The following HK1 variants were observed in gnomAD, a reference collection of about 807,000 sequenced individuals.
HK1 encodes hexokinase-1.
In HK1, 28 loss-of-function variants were observed where a neutral mutation model predicts 91.6. That is an observed-to-expected ratio of 0.31 (90% CI 0.23 to 0.42). The LOEUF (loss-of-function observed/expected upper bound fraction) is 0.42. Among genes scored for constraint, HK1 ranks in the 10% least tolerant of loss-of-function variants. HK1 has a pLI of 1.00. For synonymous variants in HK1, 430 were observed against 468.1 expected, an observed-to-expected ratio of 0.92 and a Z score of 1.05; for missense variants, 770 against 1,219.8, an observed-to-expected ratio of 0.63 and a Z score of 5.49.
intron 14 of HK1, among the ~76,000 whole-genome samples, chr10:69,390,571 C>G (rs975741734): frequency 1.1e-4 from 17 of 152,296 alleles, no homozygotes; most frequent in Admixed American, 1.0e-3. Context: ...AAACAAAGAA[C>G]AAAAATCATC....
At chr10:69,274,934 C>T (rs1214232543) in intron 1 of HK1, among the ~76,000 whole-genome samples, 2 of 152,084 alleles carry the variant, frequency 1.3e-5, no homozygotes, top group African/African-American at 2.4e-5. Context: ...CGAGACTCAA[C>T]AAATGCCCTC....
rs1230724844 is a variant in HK1, at chr10:69,276,112, AAAAAAAATACAT to A, written c.-391+6006_-391+6017del. Reference sequence around the variant, plus strand: ...TTTCAAAAAAAAAAAAAAAAAAAAAAAAAAAAATACATATATATATATATATACACATATATA... The same window carrying A: ...TTTCAAAAAAAAAAAAAAAAAAAAAAATATATATATATATACACATATATA... On this transcript the variant is annotated intron_variant, in intron 1 of 21. Transcript: ENST00000360289. Among the ~76,000 whole-genome samples, 64 of 42,634 alleles carry A rather than the reference AAAAAAAATACAT, an allele frequency of 1.5e-3. 4 individuals carry two copies. The highest frequency in any genetic ancestry group is 5.2e-3 in the African/African-American group (63 of 12,006). The allele number at this position is 42,634 out of a possible 152,430, so 28.0% of individuals were successfully genotyped here. A position where few individuals can be genotyped will look rare whatever the true frequency, so the allele number is the denominator to read the frequency against.
At chr10:69,326,810 G>A (rs572692976) in intron 1 of HK1, among the ~76,000 whole-genome samples, 45 of 152,164 alleles carry the variant, frequency 3.0e-4, no homozygotes, top group Non-Finnish European at 4.4e-4. Flanking sequence ...TTCTCCCTTC[G>A]GAGGTGACCT....
intron 3 of HK1, among the ~76,000 whole-genome samples, chr10:69,360,629 C>T (rs1320593068): frequency 6.6e-6 from 1 of 152,174 alleles, no homozygotes; most frequent in Admixed American, 6.5e-5. Flanking sequence ...GTTGGGGCTC[C>T]CCACGCTGGG....
chr10:69,322,858 C>A (rs186483705), intron 1 of HK1, among the ~76,000 whole-genome samples: 1 of 150,916 alleles, frequency 6.6e-6, no homozygotes, highest in South Asian at 2.1e-4. Flanking sequence ...CCATTGCACT[C>A]CAGCCTAGGC....
At chr10:69,341,153 C>T (rs976541672) in intron 1 of HK1, among the ~76,000 whole-genome samples, 12 of 151,952 alleles carry the variant, frequency 7.9e-5, no homozygotes, top group African/African-American at 2.9e-4. Context: ...AATATATATA[C>T]ATATTTCTTT....
intron 17 of HK1, 145 bp downstream of exon 17, chr10:69,398,973 C>A: frequency 1.5e-6 from 1 of 645,740 alleles, no homozygotes; most frequent in Non-Finnish European, 2.8e-6. Context: ...TGGGGATTGT[C>A]TAGGACAAGG....
intron 5 of HK1, among the ~76,000 whole-genome samples, chr10:69,307,140 G>A (rs924298034): frequency 3.9e-5 from 6 of 152,132 alleles, no homozygotes; most frequent in African/African-American, 1.2e-4. Flanking sequence ...CACGAACTTG[G>A]GAGGGAGATG....
upstream of HK1, chr10:69,318,802 G>C (rs2132562628): frequency 1.4e-6 from 2 of 1,391,748 alleles, no homozygotes; most frequent in Non-Finnish European, 1.9e-6. Context: ...CGCGCGAGCT[G>C]TCGCCGCGCC....
rs868716808 is a variant in HK1, at chr10:69,401,705, C to T, written c.*570C>T. ...GTGTGTCCGTGGAACCAGTCCTAGC[C>T]GCGTGTGACAGTCTTGCATTCTGTT... On this transcript the variant is annotated 3_prime_UTR_variant, in exon 18 of 18. Transcript: ENST00000359426. 7.0e-5 allele frequency: 17 copies of T among 243,980 alleles called. No individual in the cohort carries two copies. In the Middle Eastern group the frequency reaches 3.5e-3, roughly 50 times the overall value. The allele number at this position is 243,980 out of a possible 1,614,324, so 15.1% of individuals were successfully genotyped here.
chr10:69,338,165 AAGG>A, intron 1 of HK1: 1 of 893,838 alleles, frequency 1.1e-6, no homozygotes, highest in African/African-American at 1.7e-5. Context: ...GGTCCACAAG[AAGG>A]AGAATCCAGG....
chr10:69,308,764 T>A (rs1396859901), intron 5 of HK1, among the ~76,000 whole-genome samples: 4 of 152,124 alleles, frequency 2.6e-5, no homozygotes, highest in Non-Finnish European at 5.9e-5. Flanking sequence ...CTCTCTTCTC[T>A]CAATTAGGCA....
intron 5 of HK1, among the ~76,000 whole-genome samples, chr10:69,305,552 A>T (rs1589457317): frequency 6.6e-6 from 1 of 151,520 alleles, no homozygotes; most frequent in African/African-American, 2.4e-5. Flanking sequence ...GGTACCAGTT[A>T]AAAAAAAAGA....
chr10:69,275,079 A>AT (rs1396082890), intron 1 of HK1, among the ~76,000 whole-genome samples: 2 of 151,770 alleles, frequency 1.3e-5, no homozygotes, highest in Non-Finnish European at 2.9e-5. Context: ...ATCCATATAT[A>AT]TTTTTTCTAA....
At chr10:69,323,599 T>C (rs143458352) in intron 1 of HK1, among the ~76,000 whole-genome samples, 203 of 152,020 alleles carry the variant, frequency 1.3e-3, no homozygotes, top group Middle Eastern at 0.01. Context: ...TGTACAAATA[T>C]TCAGTGAGAG....
upstream of HK1, among the ~76,000 whole-genome samples, chr10:69,317,705 T>C (rs1001800957): frequency 6.6e-6 from 1 of 152,182 alleles, no homozygotes; most frequent in African/African-American, 2.4e-5. Flanking sequence ...TGATCCTAGA[T>C]CTACAACTTC....
At chr10:69,329,410 C>T (rs1280730125) in intron 1 of HK1, among the ~76,000 whole-genome samples, 1 of 152,190 alleles carries the variant, frequency 6.6e-6, no homozygotes, top group African/African-American at 2.4e-5. Flanking sequence ...ATCCACCCAC[C>T]TTAGCCTCCC....
At chr10:69,329,820 A>G (rs1215750793) in intron 1 of HK1, among the ~76,000 whole-genome samples, 3 of 151,208 alleles carry the variant, frequency 2.0e-5, no homozygotes, top group African/African-American at 7.3e-5. Flanking sequence ...CCCCAGCACC[A>G]GCATGGTGTC....
intron 14 of HK1, among the ~76,000 whole-genome samples, chr10:69,390,164 G>A (rs575964470): frequency 6.6e-6 from 1 of 152,306 alleles, no homozygotes; most frequent in South Asian, 2.1e-4. Flanking sequence ...CGCTTCTGTT[G>A]AAATTTTAAA....
Sources: gnomAD v4.1 joint callset for allele counts (sites outside exome capture counted in the v4.1 genomes callset) on GRCh38, gnomAD v4.1.1 for gene constraint, MANE v1.5 for transcripts, NCBI Gene and HGNC (gene_info 2026-07-23, HGNC 2026-07-21) for gene names.